Variants in ACOXL observed in about 807,000 individuals in gnomAD.
ACOXL encodes the protein acyl-CoA oxidase like.
A neutral mutation model predicts 71.9 loss-of-function variants in ACOXL; 70 were observed. The ratio of observed to expected loss-of-function variants is 0.97; its 90% CI spans 0.80 to 1.19. The LOEUF is 1.19. Among genes scored for constraint, ACOXL ranks in the 50% most tolerant of loss-of-function variants. The pLI is 0.00. For synonymous variants in ACOXL, 253 were observed against 281.6 expected (o/e 0.90, Z 1.02); for missense variants, 703 against 736.3 (o/e 0.95, Z 0.52).
intron 16 of ACOXL, among the ~76,000 whole-genome samples, chr2:111,086,315 A>G (rs1203765175): frequency 6.6e-6 from 1 of 152,236 alleles, no homozygotes; most frequent in East Asian, 1.9e-4. Flanking sequence ...AAAATACTCA[A>G]CAAAATCTTA....
chr2:110,902,373 G>A (rs1408104182), intron 10 of ACOXL, among the ~76,000 whole-genome samples: 2 of 152,208 alleles, frequency 1.3e-5, no homozygotes, highest in Admixed American at 1.3e-4. Flanking sequence ...GAGAGGCTGA[G>A]GCAGGAGAAT....
intron 16 of ACOXL, among the ~76,000 whole-genome samples, chr2:111,059,915 G>T (rs2066725705): frequency 6.6e-6 from 1 of 151,886 alleles, no homozygotes; most frequent in Non-Finnish European, 1.5e-5. Context: ...GGAGAAGAAA[G>T]AGTAGGAGAA....
intron 10 of ACOXL, among the ~76,000 whole-genome samples, chr2:110,872,890 A>G (rs975429059): frequency 6.6e-6 from 1 of 152,202 alleles, no homozygotes; most frequent in Non-Finnish European, 1.5e-5. Flanking sequence ...CTCCAGTGAA[A>G]TGTCTCCAAG....
rs548054685 is a variant in ACOXL, at chr2:111,008,116, G to A, written c.1281+12112G>A. Among the ~76,000 whole-genome samples, 35 of 152,194 alleles carry A rather than the reference G, an allele frequency of 2.3e-4. No individual in the cohort carries two copies. In the South Asian group the frequency reaches 4.6e-3, roughly 20 times the overall value. ...AGTATCTAGTCAAAACAGTATTTCC[G>A]AAGTTTCTTTAATTAGCCTTTTTTT... is the stretch of plus-strand genomic sequence containing the variant. On this transcript the variant is annotated intron_variant, in intron 14 of 17. Coordinates refer to ENST00000439055, the MANE Select transcript of ACOXL (RefSeq NM_001142807.4).
At chr2:111,111,245 A>G (rs2069933725) in intron 17 of ACOXL, among the ~76,000 whole-genome samples, 1 of 152,076 alleles carries the variant, frequency 6.6e-6, no homozygotes, top group African/African-American at 2.4e-5. Context: ...GACTATAGGC[A>G]TGAGCCACCA....
At chr2:111,059,865 T>C (rs972150024) in intron 16 of ACOXL, among the ~76,000 whole-genome samples, 1 of 132,948 alleles carries the variant, frequency 7.5e-6, no homozygotes, top group African/African-American at 2.9e-5. Context: ...AGGAGGTAAA[T>C]GAGGAGGAGG....
intron 15 of ACOXL, among the ~76,000 whole-genome samples, chr2:111,048,414 T>C (rs1221301610): frequency 6.6e-6 from 1 of 152,214 alleles, no homozygotes; most frequent in East Asian, 1.9e-4. Context: ...GTCAAATAAG[T>C]GGTTTTAAAT....
chr2:110,768,736 TG>T (rs2104992160), intron 2 of ACOXL, among the ~76,000 whole-genome samples: 1 of 152,280 alleles, frequency 6.6e-6, no homozygotes, highest in South Asian at 2.1e-4. Context: ...CCGCGCCTAT[TG>T]ATTTCTTCTT....
intron 14 of ACOXL, among the ~76,000 whole-genome samples, chr2:111,019,498 A>G (rs529891927): frequency 6.6e-6 from 1 of 152,340 alleles, no homozygotes; most frequent in East Asian, 1.9e-4. Context: ...TTGGAAAGTA[A>G]TATATTCAAT....
intron 11 of ACOXL, among the ~76,000 whole-genome samples, chr2:110,922,432 C>A (rs1228005265): frequency 6.6e-6 from 1 of 152,006 alleles, no homozygotes; most frequent in Non-Finnish European, 1.5e-5. Flanking sequence ...TGACTTGTAA[C>A]TGTTACAGAG....
intron 10 of ACOXL, among the ~76,000 whole-genome samples, chr2:110,888,623 TTTGTC>T (rs1402167383): frequency 6.6e-6 from 1 of 152,220 alleles, no homozygotes; most frequent in Admixed American, 6.5e-5. Flanking sequence ...TTTTGCCCCA[TTTGTC>T]TTGACAGTAG....
intron 11 of ACOXL, among the ~76,000 whole-genome samples, chr2:110,911,092 A>G (rs906537274): frequency 3.3e-5 from 5 of 152,162 alleles, no homozygotes; most frequent in African/African-American, 7.2e-5. Flanking sequence ...AGAGAATACT[A>G]TGAACAATAG....
At chr2:111,057,271 G>C (rs2066589327) in intron 16 of ACOXL, among the ~76,000 whole-genome samples, 1 of 152,202 alleles carries the variant, frequency 6.6e-6, no homozygotes, top group East Asian at 1.9e-4. Context: ...CAGGTGCACT[G>C]ATGCATGCCT....
intron 17 of ACOXL, among the ~76,000 whole-genome samples, chr2:111,104,724 CTT>C (rs914428315): frequency 6.6e-6 from 1 of 151,986 alleles, no homozygotes; most frequent in African/African-American, 2.4e-5. Flanking sequence ...GATACTAGTC[CTT>C]TGTCAGATAT....
At chr2:110,945,666 T>G (rs2061075338) in intron 12 of ACOXL, among the ~76,000 whole-genome samples, 1 of 152,176 alleles carries the variant, frequency 6.6e-6, no homozygotes, top group Non-Finnish European at 1.5e-5. Flanking sequence ...TGTGTGGCCT[T>G]CTTTCTGGGC....
intron 10 of ACOXL, among the ~76,000 whole-genome samples, chr2:110,873,965 C>A: frequency 6.6e-6 from 1 of 152,310 alleles, no homozygotes; most frequent in Middle Eastern, 3.4e-3. Context: ...CGTGTGGCAT[C>A]GGCCAGCCCT....
At chr2:110,998,865 T>C (rs1164836145) in intron 14 of ACOXL, among the ~76,000 whole-genome samples, 1 of 152,222 alleles carries the variant, frequency 6.6e-6, no homozygotes, top group African/African-American at 2.4e-5. Context: ...GACTCTCAGA[T>C]TAGATTAGAT....
At chr2:111,022,118 C>A (rs56304079) in intron 14 of ACOXL, among the ~76,000 whole-genome samples, 1 of 151,976 alleles carries the variant, frequency 6.6e-6, no homozygotes, top group Non-Finnish European at 1.5e-5. Context: ...TTTGGGAGGC[C>A]GACGCGAGCA....
intron 12 of ACOXL, among the ~76,000 whole-genome samples, chr2:110,973,009 TG>T (rs1347295635): frequency 2.0e-5 from 3 of 152,342 alleles, no homozygotes; most frequent in East Asian, 1.9e-4. Context: ...CAAGGAATGG[TG>T]GGAATCTTCC....
Sources: allele counts gnomAD v4.1 joint callset (sites outside exome capture counted in the v4.1 genomes callset), GRCh38; gene constraint gnomAD v4.1.1; transcripts MANE v1.5; gene names NCBI Gene and HGNC (gene_info 2026-07-23, HGNC 2026-07-21).